Variants in PDE3B observed in about 807,000 individuals in gnomAD.
The protein encoded by PDE3B is cGMP-inhibited 3',5'-cyclic phosphodiesterase 3B.
A neutral mutation model predicts 116.8 loss-of-function variants in PDE3B; 66 were observed. That is an observed-to-expected ratio of 0.56 (90% CI 0.46 to 0.69). PDE3B has a LOEUF of 0.69. Among genes scored for constraint, PDE3B ranks in the 30% least tolerant of loss-of-function variants. The pLI, the probability that PDE3B is intolerant of heterozygous loss-of-function variation, is 0.00. For missense variants in PDE3B, 1,384 were observed against 1,368.1 expected (o/e 1.01, Z -0.18); for synonymous variants, 595 against 533.6 (o/e 1.12, Z -1.59).
chr11:14,738,840 A>G (rs1033510951), intron 1 of PDE3B, among the ~76,000 whole-genome samples: 1 of 152,144 alleles, frequency 6.6e-6, no homozygotes, highest in African/African-American at 2.4e-5. Flanking sequence ...TTTTCCCAAC[A>G]CCATTTATTA....
intron 2 of PDE3B, among the ~76,000 whole-genome samples, chr11:14,778,097 AAGC>A (rs1268287120): frequency 1.3e-5 from 2 of 152,178 alleles, no homozygotes; most frequent in African/African-American, 4.8e-5. Flanking sequence ...TGGAACTGCA[AAGC>A]AGCAGCGAGG....
At chr11:14,880,277 C>T in the PDE3B span, 1 of 1,613,004 alleles carries the variant, frequency 6.2e-7, no homozygotes, top group Admixed American at 1.7e-5. Flanking sequence ...TCATTTTTAC[C>T]TTGATCCATC....
rs927983518 is a variant in PDE3B at position 14,643,835 on chromosome 11, C to T, written c.-241C>T. On this transcript the variant is annotated 5_prime_UTR_variant, in exon 1 of 16. Transcript: ENST00000282096. ...GAGAGGTGCCCGAGGGAAAAGGAGG[C>T]GGCAGCTAAACTGGTCCTGGAGAGA... 1.1e-5 allele frequency: 5 copies of T among 465,008 alleles called. No individual in the cohort carries two copies. Among genetic ancestry groups the T allele is most frequent in the Non-Finnish European group, 1.8e-5 (5 of 274,406 alleles). 28.8% of individuals were successfully genotyped at this position (465,008 alleles called of 1,614,324 possible). A position where few individuals can be genotyped will look rare whatever the true frequency, so the allele number is the denominator to read the frequency against.
At chr11:14,803,888 A>C (rs943408505) in intron 4 of PDE3B, 56 bp from the exon 5 acceptor site, 2 of 991,778 alleles carry the variant, frequency 2.0e-6, no homozygotes, top group Non-Finnish European at 3.2e-6. Context: ...CATGAGGAAA[A>C]AAGGTGAAAC....
chr11:14,800,667 G>A (rs539156582), intron 4 of PDE3B, among the ~76,000 whole-genome samples: 129 of 152,166 alleles, frequency 8.5e-4, no homozygotes, highest in African/African-American at 3.1e-3. Context: ...TATCATTGTG[G>A]TATTCTCTGT....
chr11:14,717,823 A>C (rs1414851549), intron 1 of PDE3B, among the ~76,000 whole-genome samples: 2 of 137,536 alleles, frequency 1.5e-5, no homozygotes, highest in Non-Finnish European at 3.1e-5. Context: ...ATCATGCCAA[A>C]ATGTAAAGAC....
At chr11:14,809,701 T>TAAA (rs1206063803) in intron 5 of PDE3B, among the ~76,000 whole-genome samples, 1 of 152,068 alleles carries the variant, frequency 6.6e-6, no homozygotes, top group Non-Finnish European at 1.5e-5. Context: ...AGTGCTCTTA[T>TAAA]AAAAGAGGCC....
chr11:14,701,320 T>C (rs1463732240), intron 1 of PDE3B, among the ~76,000 whole-genome samples: 1 of 151,752 alleles, frequency 6.6e-6, no homozygotes, highest in East Asian at 1.9e-4. Flanking sequence ...ATCTTTGATT[T>C]CAGTTATTCA....
intron 5 of PDE3B, among the ~76,000 whole-genome samples, chr11:14,809,731 G>A (rs1010140129): frequency 4.6e-5 from 7 of 152,272 alleles, no homozygotes; most frequent in Admixed American, 6.5e-5. Flanking sequence ...TAGCTATCCT[G>A]TCAGCCATGT....
chr11:14,695,571 A>T (rs989953614), intron 1 of PDE3B, among the ~76,000 whole-genome samples: 2 of 152,016 alleles, frequency 1.3e-5, no homozygotes, highest in African/African-American at 2.4e-5. Context: ...CAGGTTACAT[A>T]GATAAACATG....
chr11:14,770,295 T>C lies in PDE3B; in HGVS notation c.979-1642T>C, dbSNP rs923812740. Among the ~76,000 whole-genome samples the C allele has an allele frequency of 2.6e-5, 4 of 151,538 alleles. No homozygotes were observed. The East Asian group carries it at 7.7e-4, about 29-fold the overall frequency. On this transcript the variant is annotated intron_variant, in intron 1 of 15. Coordinates refer to ENST00000282096, the MANE Select transcript of PDE3B (RefSeq NM_000922.4). ...ATCAGATTTATAGATGTTATGATAA[T>C]GGGAGGAATGGAGAATAGGGTAGTT...
At chr11:14,763,773 G>T (rs1857422369) in intron 1 of PDE3B, among the ~76,000 whole-genome samples, 1 of 151,990 alleles carries the variant, frequency 6.6e-6, no homozygotes, top group African/African-American at 2.4e-5. Flanking sequence ...ACAAGGTCTA[G>T]GTAGATACTT....
the PDE3B span, chr11:14,891,363 C>G: frequency 4.1e-6 from 4 of 985,496 alleles, no homozygotes; most frequent in Non-Finnish European, 4.8e-6. Flanking sequence ...AACGGCATTA[C>G]CATCTGCGCT....
chr11:14,896,251 CAGAG>C, the PDE3B span, among the ~76,000 whole-genome samples: 1 of 152,130 alleles, frequency 6.6e-6, no homozygotes, highest in African/African-American at 2.4e-5. Context: ...AATGCAGTAA[CAGAG>C]AGTCAGAGGA....
chr11:14,883,352 C>G, the PDE3B span, among the ~76,000 whole-genome samples: 2 of 152,070 alleles, frequency 1.3e-5, no homozygotes, highest in African/African-American at 2.4e-5. Context: ...ATCAATGGAA[C>G]AGAACAGAGC....
At chr11:14,695,705 C>G (rs943055154) in intron 1 of PDE3B, among the ~76,000 whole-genome samples, 41 of 150,846 alleles carry the variant, frequency 2.7e-4, no homozygotes, top group African/African-American at 1.0e-3. Flanking sequence ...AAGTATTGTT[C>G]CCCTCCCTGT....
At chr11:14,859,396 T>A (rs1427405393) in intron 13 of PDE3B, 150 bp downstream of exon 13, 2 of 490,822 alleles carry the variant, frequency 4.1e-6, no homozygotes, top group African/African-American at 2.0e-5. Flanking sequence ...CCTATATTTT[T>A]AAAAATAAAC....
chr11:14,722,679 T>A (rs764510547), intron 1 of PDE3B, among the ~76,000 whole-genome samples: 1 of 152,200 alleles, frequency 6.6e-6, no homozygotes, highest in Non-Finnish European at 1.5e-5. Context: ...CAGAGCTAGT[T>A]TAGTCTTGAG....
chr11:14,709,151 GA>G (rs976730175), intron 1 of PDE3B, among the ~76,000 whole-genome samples: 4 of 151,730 alleles, frequency 2.6e-5, no homozygotes, highest in Admixed American at 6.6e-5. Flanking sequence ...TTAGAACTGT[GA>G]AAAAAAAGTG....
Sources: allele counts gnomAD v4.1 joint callset (sites outside exome capture counted in the v4.1 genomes callset), GRCh38; gene constraint gnomAD v4.1.1; transcripts MANE v1.5; gene names NCBI Gene and HGNC (gene_info 2026-07-23, HGNC 2026-07-21).